YTHDC1: variants seen among roughly 807,000 people sequenced by gnomAD.
The protein encoded by YTHDC1 is YTH domain-containing protein 1.
Under a neutral mutation model 107.0 loss-of-function variants are expected in YTHDC1, and 12 were observed. That is an observed-to-expected ratio of 0.11 (90% CI 0.07 to 0.18). The LOEUF (loss-of-function observed/expected upper bound fraction) is 0.18, where lower values mean the gene tolerates loss of function less well. Among genes scored for constraint, YTHDC1 ranks in the 10% least tolerant of loss-of-function variants. YTHDC1 has a pLI of 1.00. For missense variants in YTHDC1, 635 were observed against 898.8 expected, an observed-to-expected ratio of 0.71 and a Z score of 3.75; for synonymous variants, 280 against 289.5, an observed-to-expected ratio of 0.97 and a Z score of 0.33.
At chr4:68,335,193 C>T (rs1578055669) in intron 4 of YTHDC1, among the ~76,000 whole-genome samples, 2 of 152,126 alleles carry the variant, frequency 1.3e-5, no homozygotes, top group East Asian at 3.8e-4. Flanking sequence ...AAATTCATGA[C>T]AGAGAAACTC....
At chr4:68,321,929 C>G (rs1336983417) in intron 11 of YTHDC1, among the ~76,000 whole-genome samples, 1 of 152,078 alleles carries the variant, frequency 6.6e-6, no homozygotes, top group Non-Finnish European at 1.5e-5. Flanking sequence ...CAAGTTAAAC[C>G]CCCTTTTTCT....
intron 4 of YTHDC1, among the ~76,000 whole-genome samples, chr4:68,336,794 G>T (rs1181286244): frequency 2.0e-5 from 3 of 152,148 alleles, no homozygotes; most frequent in Non-Finnish European, 2.9e-5. Flanking sequence ...AAATGGACTT[G>T]TGTTCATTTA....
chr4:68,339,805 A>G (rs1249937136), intron 1 of YTHDC1, among the ~76,000 whole-genome samples: 1 of 152,184 alleles, frequency 6.6e-6, no homozygotes, highest in African/African-American at 2.4e-5. Flanking sequence ...GCTGGTGTGG[A>G]CTGTAAAAGC....
chr4:68,314,322 T>C lies in YTHDC1; in HGVS notation c.1961A>G (p.His654Arg), dbSNP rs777418819. ...ATCATCCACCCTCATATCATAATCA[T>C]GCTAGAAAAGGAAAGAAATGTGTTA... ...HEARYRDKRV[H>R]DYDMRVDDFL... is the part of the protein sequence containing the mutation. The change falls in exon 17 of 17, where the codon CAT becomes CGT. Residue 654 changes from histidine (H) to arginine (R), a missense_variant and splice_region_variant. His to Arg is a conservative substitution (Grantham distance 29). Transcript: ENST00000344157. 3 of 1,613,764 alleles carry C rather than the reference T, an allele frequency of 1.9e-6. No homozygotes were observed. The highest frequency in any genetic ancestry group is 2.5e-6 in the Non-Finnish European group (3 of 1,179,952).
rs147475869 is a variant in YTHDC1 at position 68,345,313 on chromosome 4, G to A, written c.28+4413C>T. On this transcript the variant is annotated intron_variant, in intron 1 of 16. Coordinates refer to ENST00000344157, the MANE Select transcript of YTHDC1 (RefSeq NM_001031732.4). ...ACAGTGCTATTTATTAACATGTGAG[G>A]TTCCAGCATCAGACTAAGATTTAGT... Among the ~76,000 whole-genome samples the A allele has an allele frequency of 2.5e-4, 38 of 152,146 alleles. No homozygotes were observed. The East Asian group carries it at 6.6e-3, about 26-fold the overall frequency.
At chr4:68,315,973 C>T (rs1238784982) in intron 16 of YTHDC1, 1 of 164,474 alleles carries the variant, frequency 6.1e-6, no homozygotes, top group African/African-American at 2.4e-5. Context: ...TAAGAATACA[C>T]AAAAAGTTCA....
rs1249006156 is a variant in YTHDC1, at chr4:68,316,299, T to A, written c.1959+15A>T. Reference sequence around the variant, plus strand: ...TAAGTAGTTCCCTCACACCTTTGCCTCCTTGTGCACTTACTACTCGTTTAT... The same window carrying A: ...TAAGTAGTTCCCTCACACCTTTGCCACCTTGTGCACTTACTACTCGTTTAT... On this transcript the variant is annotated intron_variant, in intron 16 of 16. Transcript: ENST00000344157. 1 of 1,606,126 alleles carries A rather than the reference T, an allele frequency of 6.2e-7. No individual in the cohort carries two copies. Among genetic ancestry groups the A allele is most frequent in the Admixed American group, 1.7e-5 (1 of 58,922 alleles).
Position 68,349,883 on chromosome 4 carries a change from G to A in YTHDC1, c.-130C>T. Reference sequence around the variant, plus strand: ...CTGCCCGGATACGCGCGTCGCACTTGGCCTCTTAACACTCAGCCTTCTCGA... The same window carrying A: ...CTGCCCGGATACGCGCGTCGCACTTAGCCTCTTAACACTCAGCCTTCTCGA... On this transcript the variant is annotated 5_prime_UTR_variant, in exon 1 of 17. Transcript: ENST00000344157. 2 of 1,310,338 alleles carry A rather than the reference G, an allele frequency of 1.5e-6. No homozygotes were observed. Among genetic ancestry groups the A allele is most frequent in the Admixed American group, 1.9e-5 (1 of 53,466 alleles). The allele number at this position is 1,310,338 out of a possible 1,614,324, so 81.2% of individuals were successfully genotyped here. A position where few individuals can be genotyped will look rare whatever the true frequency, so the allele number is the denominator to read the frequency against.
At chr4:68,343,323 C>T (rs866435722) in intron 1 of YTHDC1, among the ~76,000 whole-genome samples, 8 of 151,276 alleles carry the variant, frequency 5.3e-5, no homozygotes, top group Admixed American at 1.3e-4. Flanking sequence ...CTCAGCCTCC[C>T]GAGTAGCTAG....
intron 9 of YTHDC1, among the ~76,000 whole-genome samples, chr4:68,327,782 A>G (rs1723157299): frequency 6.6e-6 from 1 of 152,154 alleles, no homozygotes; most frequent in Non-Finnish European, 1.5e-5. Flanking sequence ...TTTAAACTCA[A>G]GAGAGTTCAA....
chr4:68,343,454 G>A (rs1173756478), intron 1 of YTHDC1, among the ~76,000 whole-genome samples: 3 of 148,124 alleles, frequency 2.0e-5, no homozygotes, highest in Non-Finnish European at 3.0e-5. Context: ...CACCTGCCTT[G>A]GCCTCCCAAA....
At chr4:68,347,330 T>A (rs946986989) in intron 1 of YTHDC1, among the ~76,000 whole-genome samples, 1 of 152,278 alleles carries the variant, frequency 6.6e-6, no homozygotes, top group Non-Finnish European at 1.5e-5. Context: ...ATTTCCTCCT[T>A]ATATAGAAAA....
At chr4:68,320,964 A>G (rs1722388871) in intron 11 of YTHDC1, among the ~76,000 whole-genome samples, 1 of 152,170 alleles carries the variant, frequency 6.6e-6, no homozygotes, top group Non-Finnish European at 1.5e-5. Flanking sequence ...AACAGAGTTC[A>G]TAAAACTAAT....
rs1229244598 is a variant in YTHDC1, at chr4:68,322,591, T to C, written c.1601+158A>G. 2.4e-5 allele frequency: 20 copies of C among 828,954 alleles called. No homozygotes were observed. The highest frequency in any genetic ancestry group is 3.0e-5 in the Non-Finnish European group (17 of 557,382). 51.3% of individuals were successfully genotyped at this position (828,954 alleles called of 1,614,324 possible). A position where few individuals can be genotyped will look rare whatever the true frequency, so the allele number is the denominator to read the frequency against. On this transcript the variant is annotated intron_variant, in intron 11 of 16. Transcript: ENST00000344157. This position sits in a 1 kb window ranked among gnomAD's most constrained non-coding sequence, Gnocchi z 4.8. ...AAAATGACTGAGACCAAGGTGACCA[T>C]GTGAAATCCTCAATGAAGCCACAAA...
intron 4 of YTHDC1, 85 bp downstream of exon 4, chr4:68,336,942 C>A (rs1294757805): frequency 8.7e-6 from 13 of 1,489,640 alleles, no homozygotes; most frequent in Non-Finnish European, 1.1e-5. Flanking sequence ...CCCATCTCCT[C>A]AACAATTTTA....
chr4:68,333,992 A>G (rs1723881703), intron 4 of YTHDC1, among the ~76,000 whole-genome samples: 2 of 152,126 alleles, frequency 1.3e-5, no homozygotes, highest in Non-Finnish European at 2.9e-5. Context: ...TTCAAATTCA[A>G]TTTAAAATTT....
intron 9 of YTHDC1, among the ~76,000 whole-genome samples, chr4:68,327,281 A>G (rs1456729127): frequency 6.6e-6 from 1 of 152,132 alleles, no homozygotes; most frequent in Non-Finnish European, 1.5e-5. Context: ...ATGAAAACAG[A>G]AATGGGTTGT....
intron 9 of YTHDC1, among the ~76,000 whole-genome samples, chr4:68,325,002 T>G (rs1178223867): frequency 6.6e-6 from 1 of 151,666 alleles, no homozygotes; most frequent in African/African-American, 2.4e-5. Context: ...AACCAACAGT[T>G]GTTAGCTGCC....
chr4:68,331,757 G>A lies in YTHDC1; in HGVS notation c.1122+346C>T, dbSNP rs147087130. On this transcript the variant is annotated intron_variant, in intron 7 of 16. Coordinates refer to ENST00000344157, the MANE Select transcript of YTHDC1 (RefSeq NM_001031732.4). ...AAGCATCAACATAAAACAAAAATTG[G>A]TTAACTACAGGTACTTTTAGAAGTG... Among the ~76,000 whole-genome samples, 362 of 151,882 alleles carry A rather than the reference G, an allele frequency of 2.4e-3. 1 individual carries two copies. The highest frequency in any genetic ancestry group is 7.8e-3 in the African/African-American group (325 of 41,462).
Sources: gnomAD v4.1 joint callset for allele counts (sites outside exome capture counted in the v4.1 genomes callset) on GRCh38, gnomAD v4.1.1 for gene constraint, Gnocchi (gnomAD v3.1) non-coding constraint, MANE v1.5 for transcripts, NCBI Gene and HGNC (gene_info 2026-07-23, HGNC 2026-07-21) for gene names.